KHDRBS2: variants seen among roughly 807,000 people sequenced by gnomAD.
KHDRBS2 encodes KH RNA binding domain containing, signal transduction associated 2, also known as KH domain-containing, RNA-binding, signal transduction-associated protein 2.
Under a neutral mutation model 44.3 loss-of-function variants are expected in KHDRBS2, and 26 were observed. The ratio of observed to expected loss-of-function variants is 0.59; its 90% CI spans 0.43 to 0.81. KHDRBS2 has a LOEUF of 0.81. Among genes scored for constraint, KHDRBS2 ranks in the 40% least tolerant of loss-of-function variants. The pLI is 0.00. For missense variants in KHDRBS2, 476 were observed against 433.1 expected (o/e 1.10, Z -0.88); for synonymous variants, 194 against 151.1 (o/e 1.28, Z -2.08).
intron 1 of KHDRBS2, among the ~76,000 whole-genome samples, chr6:62,221,415 T>C (rs1830873439): frequency 6.6e-6 from 1 of 152,090 alleles, no homozygotes; most frequent in African/African-American, 2.4e-5. Flanking sequence ...TTACTAATAC[T>C]GTATTCAAGA....
chr6:61,656,909 T>C, the KHDRBS2 span, among the ~76,000 whole-genome samples: 1 of 152,026 alleles, frequency 6.6e-6, no homozygotes, highest in Non-Finnish European at 1.5e-5. Flanking sequence ...TTAGATATGT[T>C]CTTATTTAAT....
chr6:62,264,197 C>A (rs570568410), intron 1 of KHDRBS2, among the ~76,000 whole-genome samples: 1 of 151,860 alleles, frequency 6.6e-6, no homozygotes, highest in African/African-American at 2.4e-5. Context: ...ATGATTGAGT[C>A]ACATCATTTT....
At chr6:61,674,366 A>C in the KHDRBS2 span, among the ~76,000 whole-genome samples, 4 of 151,584 alleles carry the variant, frequency 2.6e-5, no homozygotes, top group South Asian at 8.3e-4. Flanking sequence ...CAGTTAGAAA[A>C]CTCCACAGTA....
intron 7 of KHDRBS2, among the ~76,000 whole-genome samples, chr6:61,723,967 C>T (rs1773130162): frequency 6.6e-6 from 1 of 152,058 alleles, no homozygotes; most frequent in Admixed American, 6.6e-5. Flanking sequence ...TAGAGAACCC[C>T]AGTAAGATAC....
intron 1 of KHDRBS2, among the ~76,000 whole-genome samples, chr6:62,177,866 T>C (rs1419818173): frequency 6.6e-5 from 10 of 151,576 alleles, no homozygotes; most frequent in Middle Eastern, 3.4e-3. Flanking sequence ...CTAACATTCA[T>C]ATTCATCAAT....
At chr6:61,564,399 T>C in the KHDRBS2 span, among the ~76,000 whole-genome samples, 1 of 152,088 alleles carries the variant, frequency 6.6e-6, no homozygotes, top group Admixed American at 6.6e-5. Context: ...TGATTTATGT[T>C]AGCTCCTCCA....
chr6:62,059,378 A>T (rs1791160595), intron 2 of KHDRBS2, among the ~76,000 whole-genome samples: 1 of 151,328 alleles, frequency 6.6e-6, no homozygotes, highest in African/African-American at 2.4e-5. Flanking sequence ...GCCCATGAGA[A>T]GTTGTTTGGT....
chr6:61,856,247 C>G (rs1466775422), intron 6 of KHDRBS2, among the ~76,000 whole-genome samples: 1 of 152,128 alleles, frequency 6.6e-6, no homozygotes, highest in African/African-American at 2.4e-5. Context: ...GAATCCTTGT[C>G]TTGTGGCTTC....
At chr6:61,689,789 G>T (rs1035153430) in intron 8 of KHDRBS2, among the ~76,000 whole-genome samples, 2 of 151,866 alleles carry the variant, frequency 1.3e-5, no homozygotes, top group Non-Finnish European at 2.9e-5. Flanking sequence ...TGAACTAAAG[G>T]TTTGATAAGG....
chr6:61,625,232 G>A, the KHDRBS2 span, among the ~76,000 whole-genome samples: 18 of 151,668 alleles, frequency 1.2e-4, no homozygotes, highest in Non-Finnish European at 2.6e-4. Context: ...CCAGGTAAAC[G>A]AGCAGGACCT....
At chr6:62,083,671 C>T (rs1797856999) in intron 2 of KHDRBS2, among the ~76,000 whole-genome samples, 1 of 152,168 alleles carries the variant, frequency 6.6e-6, no homozygotes, top group African/African-American at 2.4e-5. Flanking sequence ...CACCTGCATG[C>T]TCCACCTCCT....
chr6:62,025,992 AATTT>A (rs1269041601), intron 3 of KHDRBS2, among the ~76,000 whole-genome samples: 2 of 152,122 alleles, frequency 1.3e-5, no homozygotes, highest in African/African-American at 4.8e-5. Context: ...CAATTCAATG[AATTT>A]ATTAATTCAT....
At chr6:61,917,165 T>G (rs1166936172) in intron 4 of KHDRBS2, among the ~76,000 whole-genome samples, 1 of 151,764 alleles carries the variant, frequency 6.6e-6, no homozygotes, top group Non-Finnish European at 1.5e-5. Flanking sequence ...GCAGCCTGAT[T>G]CATAATTGCC....
rs575014829 is a variant in KHDRBS2, at chr6:61,856,807, A to G, written c.810+37828T>C. Among the ~76,000 whole-genome samples the G allele has an allele frequency of 8.1e-4, 123 of 152,166 alleles. No individual in the cohort carries two copies. In the Middle Eastern group the frequency reaches 0.014, roughly 17 times the overall value. On this transcript the variant is annotated intron_variant, in intron 6 of 8. Coordinates refer to ENST00000281156, the MANE Select transcript of KHDRBS2 (RefSeq NM_152688.4). ...GCTTTTAAGACTGGCAGGCACTTAA[A>G]GAGGTCAAGGCATATCCCTCGGATT...
chr6:61,999,323 A>T (rs538485574), intron 3 of KHDRBS2, among the ~76,000 whole-genome samples: 1 of 152,110 alleles, frequency 6.6e-6, no homozygotes, highest in Admixed American at 6.6e-5. Flanking sequence ...AAAAATTCTA[A>T]TCAAGGTTTG....
chr6:61,705,136 A>T (rs544817952), intron 7 of KHDRBS2, among the ~76,000 whole-genome samples: 2 of 151,954 alleles, frequency 1.3e-5, no homozygotes, highest in South Asian at 4.1e-4. Flanking sequence ...GATTATTAAG[A>T]AGCAGGATTT....
intron 2 of KHDRBS2, among the ~76,000 whole-genome samples, chr6:62,143,626 T>C (rs1337743483): frequency 6.6e-6 from 1 of 151,954 alleles, no homozygotes; most frequent in Admixed American, 6.6e-5. Flanking sequence ...CACTTTCTTC[T>C]ATAGGACGTG....
At chr6:61,757,031 T>C (rs1373288607) in intron 6 of KHDRBS2, among the ~76,000 whole-genome samples, 1 of 152,238 alleles carries the variant, frequency 6.6e-6, no homozygotes, top group Non-Finnish European at 1.5e-5. Flanking sequence ...TTCCTCCGCA[T>C]TTTGATTTTT....
chr6:62,142,035 C>A (rs1447192590), intron 2 of KHDRBS2, among the ~76,000 whole-genome samples: 1 of 151,960 alleles, frequency 6.6e-6, no homozygotes, highest in Non-Finnish European at 1.5e-5. Flanking sequence ...GGTCCTAGAG[C>A]TCTTTGCATA....
Sources: allele counts gnomAD v4.1 joint callset (sites outside exome capture counted in the v4.1 genomes callset), GRCh38; gene constraint gnomAD v4.1.1; transcripts MANE v1.5; gene names NCBI Gene and HGNC (gene_info 2026-07-23, HGNC 2026-07-21).